Variants in RUNX1T1 observed in about 807,000 individuals in gnomAD.
RUNX1T1 encodes the protein RUNX1 partner transcriptional co-repressor 1.
A neutral mutation model predicts 62.8 loss-of-function variants in RUNX1T1; 4 were observed. The ratio of observed to expected loss-of-function variants is 0.06; its 90% CI spans 0.03 to 0.15. The LOEUF is 0.15. Ranked by LOEUF, RUNX1T1 falls within the 10% of genes least tolerant of loss-of-function variation. RUNX1T1 has a pLI of 1.00. For synonymous variants in RUNX1T1, 291 were observed against 286.0 expected (o/e 1.02, Z -0.18); for missense variants, 508 against 754.3 (o/e 0.67, Z 3.82).
intron 5 of RUNX1T1, chr8:92,004,833 G>T (rs528265172): frequency 2.4e-5 from 7 of 296,680 alleles, no homozygotes; most frequent in Middle Eastern, 9.4e-4. Flanking sequence ...AGAGCCATCA[G>T]TGGTACTTGG....
intron 1 of RUNX1T1, among the ~76,000 whole-genome samples, chr8:92,035,568 T>G (rs1349479945): frequency 6.6e-6 from 1 of 152,142 alleles, no homozygotes; most frequent in Non-Finnish European, 1.5e-5. Context: ...CTCCATATAT[T>G]TTATACGGTT....
intron 1 of RUNX1T1, chr8:92,094,983 G>T: frequency 6.9e-7 from 1 of 1,438,898 alleles, no homozygotes; most frequent in Non-Finnish European, 9.4e-7. Flanking sequence ...ATTCAGACTG[G>T]CAAAACTAAA....
chr8:92,050,460 G>A (rs1250618984), intron 1 of RUNX1T1, among the ~76,000 whole-genome samples: 3 of 152,124 alleles, frequency 2.0e-5, no homozygotes, highest in African/African-American at 4.8e-5. Flanking sequence ...ATTAAAAACT[G>A]AGCACTGTGC....
intron 1 of RUNX1T1, among the ~76,000 whole-genome samples, chr8:92,085,496 C>T (rs146599599): frequency 6.6e-6 from 1 of 152,326 alleles, no homozygotes; most frequent in East Asian, 1.9e-4. Context: ...TCTGTATCAA[C>T]ACACATAAAT....
At position 92,005,317 on chromosome 8, in the gene RUNX1T1, A is replaced by C; in HGVS notation, c.478-20T>G. ...GTTGGCCTGCAAGGGAATGACAGGA[A>C]TGAGAGGACGGACTGAAAGTTTTCT... On this transcript the variant is annotated intron_variant, in intron 4 of 10. Coordinates refer to ENST00000396218, the Ensembl canonical transcript of RUNX1T1. The C allele has an allele frequency of 1.9e-6, 3 of 1,605,900 alleles. No individual in the cohort carries two copies. Among genetic ancestry groups the C allele is most frequent in the Non-Finnish European group, 2.5e-6 (3 of 1,177,568 alleles).
Position 92,060,551 on chromosome 8 carries a change from ATATGTGTG to A in RUNX1T1, c.7+1987_7+1994del, listed in dbSNP as rs1387528684. ...TATATATATATATATATATATATAT[ATATGTGTG>A]TGTGTGTGTGTGTGTGTGTGTGTGT... is the stretch of plus-strand genomic sequence containing the variant. On this transcript the variant is annotated intron_variant, in intron 1 of 10. Coordinates refer to ENST00000396218, the Ensembl canonical transcript of RUNX1T1. 2.6e-3 allele frequency among the ~76,000 whole-genome samples: 251 copies of A among 95,300 alleles called. 4 individuals carry two copies. The highest frequency in any genetic ancestry group is 4.7e-3 in the Admixed American group (42 of 8,948). The allele number at this position is 95,300 out of a possible 152,430, so 62.5% of individuals were successfully genotyped here.
At chr8:92,024,494 A>G (rs926432417) in intron 1 of RUNX1T1, among the ~76,000 whole-genome samples, 5 of 132,902 alleles carry the variant, frequency 3.8e-5, no homozygotes, top group African/African-American at 1.5e-4. Context: ...TGAAACCCCA[A>G]CTCAAAAAAA....
At chr8:91,998,657 C>G (rs1165703135) in intron 5 of RUNX1T1, among the ~76,000 whole-genome samples, 1 of 152,164 alleles carries the variant, frequency 6.6e-6, no homozygotes, top group African/African-American at 2.4e-5. Flanking sequence ...ACCATCTGCT[C>G]AACAGTTAGG....
exon 2 of RUNX1T1, chr8:92,075,977 C>T (rs1375642308): frequency 2.5e-6 from 4 of 1,610,978 alleles, no homozygotes; most frequent in Non-Finnish European, 3.4e-6. Flanking sequence ...TGACAATATT[C>T]AAAGTTCCCT....
intron 5 of RUNX1T1, among the ~76,000 whole-genome samples, chr8:91,999,699 A>G (rs1182905012): frequency 6.6e-6 from 1 of 152,206 alleles, no homozygotes; most frequent in African/African-American, 2.4e-5. Flanking sequence ...TCTGTCAATT[A>G]TTTAGCACAG....
At chr8:91,971,057 T>C (rs1170729079) in intron 9 of RUNX1T1, 2 of 417,866 alleles carry the variant, frequency 4.8e-6, no homozygotes, top group Non-Finnish European at 8.4e-6. Flanking sequence ...GATTACTTTT[T>C]TGTAGAATTC....
At chr8:92,082,653 T>C (rs943399730) in intron 1 of RUNX1T1, among the ~76,000 whole-genome samples, 5 of 152,176 alleles carry the variant, frequency 3.3e-5, no homozygotes, top group African/African-American at 1.2e-4. Flanking sequence ...TGAGACTCTT[T>C]ACCATTTCCG....
Position 92,074,123 on chromosome 8 carries a change from C to T in RUNX1T1, c.88+1842G>A, listed in dbSNP as rs553456078. ...AAAGTATGTACACACACCACACATA[C>T]AGGAGAGTAGGAGAGACAGAGAAGA... On this transcript the variant is annotated intron_variant, in intron 2 of 11. Coordinates refer to the RUNX1T1 transcript ENST00000265814. 2.6e-5 allele frequency among the ~76,000 whole-genome samples: 4 copies of T among 152,244 alleles called. No homozygotes were observed. The South Asian group carries it at 6.2e-4, about 24-fold the overall frequency.
chr8:91,960,432 T>C, exon 11 of RUNX1T1: 1 of 1,614,212 alleles, frequency 6.2e-7, no homozygotes, highest in South Asian at 1.1e-5. Context: ...CTCCCAGTCT[T>C]TGTGCTGGCA....
chr8:92,012,607 A>ATT (rs542271848), intron 3 of RUNX1T1, among the ~76,000 whole-genome samples: 1 of 152,088 alleles, frequency 6.6e-6, no homozygotes, highest in Non-Finnish European at 1.5e-5. Context: ...ACTTCCTAAC[A>ATT]TTTTCTTAAC....
At chr8:92,099,792 AC>A (rs1290812445), upstream of RUNX1T1, 1 of 215,736 alleles carries the variant, frequency 4.6e-6, no homozygotes, top group African/African-American at 2.3e-5. Context: ...TAAACTGACA[AC>A]CACTGACCAG....
chr8:92,008,574 T>C (rs1176306243), intron 4 of RUNX1T1, among the ~76,000 whole-genome samples: 1 of 152,130 alleles, frequency 6.6e-6, no homozygotes, highest in African/African-American at 2.4e-5. Context: ...GCAAACATAG[T>C]TATGCCAGCT....
chr8:92,083,727 G>A (rs1835650356), intron 1 of RUNX1T1, among the ~76,000 whole-genome samples: 2 of 152,170 alleles, frequency 1.3e-5, no homozygotes, highest in Non-Finnish European at 2.9e-5. Context: ...AATACCATTT[G>A]ACCCAGCAAT....
In RUNX1T1 at chr8:91,970,647, A is replaced by G; in HGVS notation, c.1458+11T>C. Reference sequence around the variant, plus strand: ...TATCTTGTTTATTTGGAGCTTCCCAAGATGCCTCACCTCGCTTGAATCCTC... The same window carrying G: ...TATCTTGTTTATTTGGAGCTTCCCAGGATGCCTCACCTCGCTTGAATCCTC... On this transcript the variant is annotated intron_variant, in intron 10 of 10. Coordinates refer to ENST00000396218, the Ensembl canonical transcript of RUNX1T1. 1.9e-6 allele frequency: 3 copies of G among 1,586,492 alleles called. No individual in the cohort carries two copies. Among genetic ancestry groups the G allele is most frequent in the Non-Finnish European group, 2.6e-6 (3 of 1,166,890 alleles).
Sources: allele counts gnomAD v4.1 joint callset (sites outside exome capture counted in the v4.1 genomes callset), GRCh38; gene constraint gnomAD v4.1.1; transcripts MANE v1.5; gene names NCBI Gene and HGNC (gene_info 2026-07-23, HGNC 2026-07-21).